The following PCDH18 variants were observed in gnomAD, a reference collection of about 807,000 sequenced individuals.
PCDH18 encodes the protein protocadherin-18.
Under a neutral mutation model 71.5 loss-of-function variants are expected in PCDH18, and 38 were observed. The observed-to-expected ratio is 0.53, with a 90% CI of 0.41 to 0.70. The LOEUF (loss-of-function observed/expected upper bound fraction) is 0.70, where lower values mean the gene tolerates loss of function less well. PCDH18 is among the 30% of genes least tolerant of loss of function. The probability of loss-of-function intolerance (pLI) is 0.00; values close to 1 mark genes in which losing one functional copy is unlikely to be tolerated. For synonymous variants in PCDH18, 565 were observed against 505.4 expected (o/e 1.12, Z -1.58); for missense variants, 1,334 against 1,384.6 (o/e 0.96, Z 0.58).
rs761367802 is a variant in PCDH18 at position 137,530,309 on chromosome 4, C to T, written c.1780G>A (p.Ala594Thr). The T allele has an allele frequency of 6.2e-7, 1 of 1,613,386 alleles. No individual in the cohort carries two copies. ...CTTGTGACATGAAAGCCACTTTCAGCCCCTTTGGGAATGGTGATTTCTGCC... is the reference window on the plus strand; with the variant it reads ...CTTGTGACATGAAAGCCACTTTCAGTCCCTTTGGGAATGGTGATTTCTGCC... ...NTAEITIPKG[A>T]ESGFHVTRIR... Residue 594 changes from alanine to threonine, a missense_variant, in exon 1 of 4, where the codon GCT (alanine) becomes ACT (threonine). Coordinates refer to ENST00000344876, the MANE Select transcript of PCDH18 (RefSeq NM_019035.5).
At chr4:137,528,137 A>G (rs1036796618) in intron 3 of PCDH18, among the ~76,000 whole-genome samples, 19 of 152,162 alleles carry the variant, frequency 1.2e-4, no homozygotes, top group Admixed American at 5.9e-4. Context: ...ATAATTTTGC[A>G]AAGAGTTACA....
At chr4:137,521,731 A>G in intron 3 of PCDH18, 35 bp from the exon 4 acceptor site, 2 of 1,501,346 alleles carry the variant, frequency 1.3e-6, no homozygotes, top group Non-Finnish European at 1.8e-6. Context: ...ATTCATTATT[A>G]TACTTAGCAC....
At chr4:137,524,869 G>A (rs989272883) in intron 3 of PCDH18, among the ~76,000 whole-genome samples, 4 of 152,094 alleles carry the variant, frequency 2.6e-5, no homozygotes, top group African/African-American at 7.2e-5. Flanking sequence ...ACAAAGGGAG[G>A]AGCTACTAGA....
At chr4:137,528,946 G>C in intron 1 of PCDH18, 126 bp from the exon 2 acceptor site, 2 of 739,456 alleles carry the variant, frequency 2.7e-6, no homozygotes, top group South Asian at 3.2e-5. Flanking sequence ...CTATTTAAAA[G>C]ATTTGCAAAT....
In PCDH18 at chr4:137,530,134, C is replaced by T; in HGVS notation, c.1955G>A (p.Trp652Ter). 1 of 1,612,812 alleles carries T rather than the reference C, an allele frequency of 6.2e-7. No homozygotes were observed. The highest frequency in any genetic ancestry group is 8.5e-7 in the Non-Finnish European group (1 of 1,178,944). ...GTCCTGAATGATAACTGACAGCTCC[C>T]ATTCTGTGTAGGGAACAGAATCCAT... The part of the protein sequence containing the change: ...VSMDSVPYTE[W>*]ELSVIIQDKG... The change falls in exon 1 of 4, where the codon TGG (tryptophan) becomes TAG (stop). Residue 652 changes from tryptophan to a stop codon, truncating the protein, a stop_gained. Transcript: ENST00000344876. LOFTEE classifies it high-confidence loss of function.
Position 137,531,337 on chromosome 4 carries a change from T to G in PCDH18, c.752A>C (p.Tyr251Ser). ...DNSPAFEQQSYIIQLLENSPV... is the reference protein window; with the variant it reads ...DNSPAFEQQSSIIQLLENSPV... ...GGAGTTTTCTAAGAGTTGTATTATA[T>G]AAGATTGCTGCTCAAAAGCAGGGCT... The change falls in exon 1 of 4, where the codon TAT becomes TCT. Residue 251 changes from tyrosine to serine, a missense_variant. Tyr to Ser is a moderately radical substitution (Grantham distance 144, BLOSUM62 -2). This residue lies in a region of PCDH18 where 1,011 missense variants were observed against 1,048.0 expected (regional missense o/e 0.96). Transcript: ENST00000344876. 6.2e-7 allele frequency: 1 copy of G among 1,614,022 alleles called. No homozygotes were observed. Among genetic ancestry groups the G allele is most frequent in the Non-Finnish European group, 8.5e-7 (1 of 1,179,998 alleles).
At position 137,528,552 on chromosome 4, in the gene PCDH18, C is replaced by T. The variant is rs748573571; in HGVS notation, c.2666G>A (p.Arg889Gln). 2.7e-5 allele frequency: 44 copies of T among 1,613,808 alleles called. No individual in the cohort carries two copies. The highest frequency in any genetic ancestry group is 8.5e-6 in the Non-Finnish European group (10 of 1,179,892). ...EAGDSDYDLG[R>Q]DSPIDRLLGE... ...CAACAGCCTATCTATTGGAGAATCT[C>T]GCCCCAAATCATAATCACTGTCTCC... is the stretch of plus-strand genomic sequence containing the variant. Residue 889 changes from arginine (R) to glutamine (Q), a missense_variant, in exon 3 of 4, where the codon CGA becomes CAA. Transcript: ENST00000344876.
intron 3 of PCDH18, among the ~76,000 whole-genome samples, chr4:137,527,787 T>C (rs879617861): frequency 1.3e-5 from 2 of 151,908 alleles, no homozygotes; most frequent in Non-Finnish European, 2.9e-5. Context: ...GTTCAGAGAG[T>C]TCCTATTGCA....
intron 3 of PCDH18, 21 bp from the exon 4 acceptor site, chr4:137,521,717 G>A: frequency 1.3e-6 from 2 of 1,563,086 alleles, no homozygotes; most frequent in South Asian, 1.1e-5. Context: ...GAAAAACAGT[G>A]GGGATTCATT....
chr4:137,523,019 A>G (rs559272592), intron 3 of PCDH18, among the ~76,000 whole-genome samples: 56 of 152,320 alleles, frequency 3.7e-4, no homozygotes, highest in Non-Finnish European at 6.3e-4. Flanking sequence ...TTAAACTGCA[A>G]GAGTCCCAAA....
intron 3 of PCDH18, 65 bp downstream of exon 3, chr4:137,528,413 A>G: frequency 7.5e-7 from 1 of 1,325,170 alleles, no homozygotes; most frequent in Non-Finnish European, 1.1e-6. Flanking sequence ...CATGAGAGAA[A>G]TTTTTCATTT....
At position 137,531,042 on chromosome 4, in the gene PCDH18, G is replaced by T; in HGVS notation, c.1047C>A (p.Asp349Glu). The change falls in exon 1 of 4, where the codon GAC becomes GAA. Residue 349 changes from aspartate (D) to glutamate (E), a missense_variant. Coordinates refer to ENST00000344876, the MANE Select transcript of PCDH18 (RefSeq NM_019035.5). ...KIIIKVVDVNDNKPEININLM... is the reference protein window; with the variant it reads ...KIIIKVVDVNENKPEININLM... The stretch of plus-strand genomic sequence containing the variant: ...GGTTGATGTTAATTTCAGGTTTATT[G>T]TCATTAACATCCACAACCTTAATTA... The T allele has an allele frequency of 6.2e-7, 1 of 1,609,980 alleles. No homozygotes were observed. Among genetic ancestry groups the T allele is most frequent in the South Asian group, 1.1e-5 (1 of 90,756 alleles).
rs149242655 is a variant in PCDH18, at chr4:137,530,129, G to A, written c.1960C>T (p.Leu654=). 6.2e-7 allele frequency: 1 copy of A among 1,612,812 alleles called. No homozygotes were observed. The highest frequency in any genetic ancestry group is 8.5e-7 in the Non-Finnish European group (1 of 1,178,934). The part of the protein sequence containing the change: ...MDSVPYTEWE[L]SVIIQDKGNP... ...CCTTTGTCCTGAATGATAACTGACA[G>A]CTCCCATTCTGTGTAGGGAACAGAA... is the stretch of plus-strand genomic sequence containing the variant. The change falls in exon 1 of 4, where the codon CTG becomes TTG. Residue 654 remains leucine (L), a synonymous_variant. Coordinates refer to ENST00000344876, the MANE Select transcript of PCDH18 (RefSeq NM_019035.5).
At chr4:137,525,855 T>TAAA (rs1270709376) in intron 3 of PCDH18, among the ~76,000 whole-genome samples, 1 of 151,434 alleles carries the variant, frequency 6.6e-6, no homozygotes, top group African/African-American at 2.4e-5. Context: ...GATTTTTTTT[T>TAAA]AAAAATTGTC....
rs1731553698 is a variant in PCDH18, at chr4:137,528,729, T to C, written c.2576+3A>G. Reference sequence around the variant, plus strand: ...TAATAGGTAACACAAGAATAATTCATACCTGTAGCTCCTGGAATATTTGTT... The same window carrying C: ...TAATAGGTAACACAAGAATAATTCACACCTGTAGCTCCTGGAATATTTGTT... On this transcript the variant is annotated splice_donor_region_variant and intron_variant, in intron 2 of 3. Transcript: ENST00000344876. 1.2e-6 allele frequency: 2 copies of C among 1,609,942 alleles called. No individual in the cohort carries two copies. Among genetic ancestry groups the C allele is most frequent in the African/African-American group, 2.7e-5 (2 of 74,818 alleles).
Position 137,530,251 on chromosome 4 carries a change from T to C in PCDH18, c.1838A>G (p.Asn613Ser). 6.2e-7 allele frequency: 1 copy of C among 1,614,150 alleles called. No individual in the cohort carries two copies. Among genetic ancestry groups the C allele is most frequent in the Admixed American group, 1.7e-5 (1 of 60,020 alleles). Reference sequence around the variant, plus strand: ...TACTATGGCGCAGCTGAGTTCAGCATTCACACCAGAGTCTCTGTCAATTGC... The same window carrying C: ...TACTATGGCGCAGCTGAGTTCAGCACTCACACCAGAGTCTCTGTCAATTGC... Reference protein sequence around the residue: ...IRAIDRDSGVNAELSCAIVAG... With the variant: ...IRAIDRDSGVSAELSCAIVAG... The change falls in exon 1 of 4, where the codon AAT (asparagine) becomes AGT (serine). Residue 613 changes from asparagine to serine, a missense_variant. Around this residue, in one of 3 missense-constraint regions of PCDH18, gnomAD observed 1,011 missense variants for 1,048.0 expected, o/e 0.96. Coordinates refer to ENST00000344876, the MANE Select transcript of PCDH18 (RefSeq NM_019035.5).
chr4:137,531,222 C>T lies in PCDH18; in HGVS notation c.867G>A (p.Val289=). Residue 289 remains valine (V), a synonymous_variant, in exon 1 of 4, where the codon GTG becomes GTA. Transcript: ENST00000344876. ...TAAAAGTCTCCATAATTTTGGGAGA[C>T]ACATGACTGCTGAAGGAATATACAA... ...GKIVYSFSSH[V]SPKIMETFKI... The T allele has an allele frequency of 6.2e-7, 1 of 1,612,766 alleles. No individual in the cohort carries two copies. Among genetic ancestry groups the T allele is most frequent in the Non-Finnish European group, 8.5e-7 (1 of 1,179,248 alleles).
chr4:137,524,914 C>G (rs924594361), intron 3 of PCDH18, among the ~76,000 whole-genome samples: 1 of 152,084 alleles, frequency 6.6e-6, no homozygotes, highest in Non-Finnish European at 1.5e-5. Context: ...ACACACTAAA[C>G]CTGTCATGGA....
rs868847449 is a variant in PCDH18, at chr4:137,529,641, A to G, written c.2448T>C (p.Asn816=). The part of the protein sequence containing the change: ...VTISSNHVPE[N]FSLELTHATP... ...TGGCGTGGGTGAGTTCTAATGAGAA[A>G]TTCTCTGGCACGTGGTTTGATGAGA... The change falls in exon 1 of 4, where the codon AAT becomes AAC. Residue 816 remains asparagine, a synonymous_variant. Transcript: ENST00000344876. The G allele has an allele frequency of 6.2e-7, 1 of 1,612,308 alleles. No individual in the cohort carries two copies. Among genetic ancestry groups the G allele is most frequent in the Middle Eastern group, 1.7e-4 (1 of 6,046 alleles).
Sources: gnomAD v4.1 joint callset for allele counts (sites outside exome capture counted in the v4.1 genomes callset) on GRCh38, gnomAD v4.1.1 for gene constraint, gnomAD v4.1.1 regional missense constraint, MANE v1.5 for transcripts, NCBI Gene and HGNC (gene_info 2026-07-23, HGNC 2026-07-21) for gene names.